The following SGK1 variants were observed in gnomAD, a reference collection of about 807,000 sequenced individuals.
SGK1 encodes the protein serine/threonine-protein kinase Sgk1.
SGK1 carries 26 observed loss-of-function variants against 64.2 expected under a neutral mutation model. The observed-to-expected ratio is 0.40, with a 90% CI of 0.30 to 0.56. The LOEUF is 0.56. Among genes scored for constraint, SGK1 ranks in the 20% least tolerant of loss-of-function variants. SGK1 has a pLI of 0.38. For synonymous variants in SGK1, 265 were observed against 239.7 expected (o/e 1.11, Z -0.98); for missense variants, 519 against 645.6 (o/e 0.80, Z 2.12).
At chr6:134,316,928 A>G (rs1204800955) in intron 1 of SGK1, among the ~76,000 whole-genome samples, 1 of 152,176 alleles carries the variant, frequency 6.6e-6, no homozygotes, top group Non-Finnish European at 1.5e-5. Context: ...GGATTTGGGA[A>G]ACCAGAAGCT....
rs369644529 is a variant in SGK1, at chr6:134,239,600, T to C, written c.285+22333A>G. On this transcript the variant is annotated intron_variant, in intron 2 of 13. Transcript: ENST00000367858. ...CATCAGCTTGTGATTTTACAGAAAA[T>C]ACTGTAGCGCCAAAAGAATGGATGA... Among the ~76,000 whole-genome samples, 6 of 152,162 alleles carry C rather than the reference T, an allele frequency of 3.9e-5. No homozygotes were observed. In the South Asian group the frequency reaches 1.0e-3, roughly 26 times the overall value.
intron 3 of SGK1, among the ~76,000 whole-genome samples, chr6:134,207,050 A>T (rs146565350): frequency 1.5e-4 from 23 of 151,428 alleles, no homozygotes; most frequent in Non-Finnish European, 3.2e-4. Context: ...ACGGTGAAAC[A>T]CCATCTCTAC....
intron 3 of SGK1, among the ~76,000 whole-genome samples, chr6:134,205,552 C>G (rs1775756043): frequency 6.6e-6 from 1 of 152,148 alleles, no homozygotes; most frequent in South Asian, 2.1e-4. Flanking sequence ...TTAGCCCAAG[C>G]TGTTTCTGCT....
At chr6:134,222,984 A>T (rs1001298840) in intron 2 of SGK1, among the ~76,000 whole-genome samples, 1 of 152,230 alleles carries the variant, frequency 6.6e-6, no homozygotes, top group African/African-American at 2.4e-5. Flanking sequence ...AACTTCTGCC[A>T]AATGAAAGTA....
At chr6:134,200,995 C>A (rs1775671375) in intron 3 of SGK1, among the ~76,000 whole-genome samples, 1 of 151,934 alleles carries the variant, frequency 6.6e-6, no homozygotes, top group Admixed American at 6.6e-5. Context: ...ACTCCATTCA[C>A]TGGAATATAT....
At chr6:134,248,984 G>A (rs752388181) in intron 2 of SGK1, among the ~76,000 whole-genome samples, 2 of 151,908 alleles carry the variant, frequency 1.3e-5, no homozygotes, top group South Asian at 2.1e-4. Flanking sequence ...AAGATTGTTC[G>A]TGGTTTCAGG....
chr6:134,242,379 G>A (rs573418463), intron 2 of SGK1, among the ~76,000 whole-genome samples: 8 of 152,154 alleles, frequency 5.3e-5, no homozygotes, highest in Admixed American at 2.0e-4. Context: ...CCAGCTACTC[G>A]GGAGGTTCAG....
intron 1 of SGK1, among the ~76,000 whole-genome samples, chr6:134,308,428 T>G (rs1166598389): frequency 6.6e-6 from 1 of 152,200 alleles, no homozygotes; most frequent in Non-Finnish European, 1.5e-5. Context: ...GAGACTAAAA[T>G]CTTTGAGCTA....
intron 1 of SGK1, among the ~76,000 whole-genome samples, chr6:134,301,489 T>A (rs1777452227): frequency 1.3e-5 from 2 of 152,050 alleles, no homozygotes; most frequent in South Asian, 4.2e-4. Flanking sequence ...GGAGGAGCGG[T>A]CCACAGGAAG....
chr6:134,298,002 T>A, intron 1 of SGK1: 1 of 840,488 alleles, frequency 1.2e-6, no homozygotes, highest in Admixed American at 1.7e-5. Context: ...CACAGACGTA[T>A]CCGAGATCTG....
intron 1 of SGK1, among the ~76,000 whole-genome samples, chr6:134,287,948 G>A (rs764171242): frequency 3.9e-5 from 6 of 152,220 alleles, no homozygotes; most frequent in Middle Eastern, 6.8e-3. Context: ...TTTCATGTTT[G>A]TTATTTTGTC....
chr6:134,206,951 C>T (rs113884495), intron 3 of SGK1, among the ~76,000 whole-genome samples: 5,744 of 149,954 alleles, frequency 0.038, 139 homozygotes, highest in Middle Eastern at 0.07. Flanking sequence ...CAAGGCCGGG[C>T]GCGGTGGCTC....
At chr6:134,302,086 AT>A (rs1183321348) in intron 1 of SGK1, among the ~76,000 whole-genome samples, 2 of 152,252 alleles carry the variant, frequency 1.3e-5, no homozygotes, top group Admixed American at 6.5e-5. Context: ...CAGAGTGTTG[AT>A]GAGTTACATG....
chr6:134,273,621 A>AAAAAAAAAAC (rs1776975856), intron 1 of SGK1, among the ~76,000 whole-genome samples: 1 of 144,458 alleles, frequency 6.9e-6, no homozygotes, highest in Non-Finnish European at 1.5e-5. Flanking sequence ...AAAAAAAAAA[A>AAAAAAAAAAC]AGCTGAGTTA....
intron 1 of SGK1, among the ~76,000 whole-genome samples, chr6:134,284,458 A>G (rs975488536): frequency 6.6e-6 from 1 of 150,678 alleles, no homozygotes; most frequent in Admixed American, 6.6e-5. Context: ...GTGAGAACAT[A>G]TGATATTTGG....
intron 2 of SGK1, among the ~76,000 whole-genome samples, chr6:134,244,215 A>C (rs945120531): frequency 7.9e-5 from 12 of 152,058 alleles, no homozygotes; most frequent in Admixed American, 5.9e-4. Flanking sequence ...GAGTGAGAAC[A>C]TGCAGTGTTT....
At chr6:134,288,199 T>C (rs896241715) in intron 1 of SGK1, among the ~76,000 whole-genome samples, 1 of 152,224 alleles carries the variant, frequency 6.6e-6, no homozygotes, top group African/African-American at 2.4e-5. Context: ...AAAAGAGATA[T>C]TGCCCTATGG....
chr6:134,221,668 C>G (rs1333873901), intron 2 of SGK1, among the ~76,000 whole-genome samples: 1 of 127,480 alleles, frequency 7.8e-6, no homozygotes, highest in East Asian at 2.3e-4. Context: ...TTTTTTTTTT[C>G]TTGAGAGGGA....
At position 134,298,394 on chromosome 6, in the gene SGK1, A is replaced by G. The variant is rs2114788407; in HGVS notation, c.69+18998T>C. On this transcript the variant is annotated intron_variant, in intron 1 of 13. Coordinates refer to ENST00000367858, the MANE Select transcript of SGK1 (RefSeq NM_001143676.3). ...CGTACCTTGCCTATGAAGGAGGCAA[A>G]CTTGTTGCTGAGGGTCTTGATCTTC... 4.1e-6 allele frequency: 5 copies of G among 1,224,572 alleles called. No homozygotes were observed. The South Asian group carries it at 6.0e-5, about 15-fold the overall frequency. 75.9% of individuals were successfully genotyped at this position (1,224,572 alleles called of 1,614,324 possible).
Sources: gnomAD v4.1 joint callset for allele counts (sites outside exome capture counted in the v4.1 genomes callset) on GRCh38, gnomAD v4.1.1 for gene constraint, MANE v1.5 for transcripts, NCBI Gene and HGNC (gene_info 2026-07-23, HGNC 2026-07-21) for gene names.